The following SH3RF3 variants were observed in gnomAD, a reference collection of about 807,000 sequenced individuals.
SH3RF3 encodes the protein E3 ubiquitin-protein ligase SH3RF3.
Under a neutral mutation model 66.3 loss-of-function variants are expected in SH3RF3, and 29 were observed. The ratio of observed to expected loss-of-function variants is 0.44; its 90% CI spans 0.33 to 0.60. The LOEUF (loss-of-function observed/expected upper bound fraction) is 0.60. Among genes scored for constraint, SH3RF3 ranks in the 20% least tolerant of loss-of-function variants. SH3RF3 has a pLI of 0.04. For synonymous variants in SH3RF3, 583 were observed against 532.0 expected (o/e 1.10, Z -1.32); for missense variants, 1,194 against 1,190.9 (o/e 1.00, Z -0.04).
At chr2:109,255,456 G>T (rs1028074634) in intron 1 of SH3RF3, among the ~76,000 whole-genome samples, 1 of 152,222 alleles carries the variant, frequency 6.6e-6, no homozygotes, top group Non-Finnish European at 1.5e-5. Context: ...CACATTCAGG[G>T]TTGGACTGGG....
chr2:109,469,565 C>T (rs536688368), intron 8 of SH3RF3, among the ~76,000 whole-genome samples: 1 of 152,108 alleles, frequency 6.6e-6, no homozygotes, highest in African/African-American at 2.4e-5. Flanking sequence ...GTTAATGTGT[C>T]CTCTGTGTGT....
chr2:109,318,115 C>T (rs546995013), intron 1 of SH3RF3, among the ~76,000 whole-genome samples: 62 of 146,722 alleles, frequency 4.2e-4, no homozygotes, highest in African/African-American at 1.5e-3. Flanking sequence ...AAAAAAAGCC[C>T]CCTTTAAGCA....
intron 1 of SH3RF3, among the ~76,000 whole-genome samples, chr2:109,152,260 A>T (rs139754386): frequency 2.0e-3 from 307 of 152,342 alleles, no homozygotes; most frequent in Non-Finnish European, 3.1e-3. Context: ...ACCTATAATC[A>T]CGGGAGGTGG....
chr2:109,182,849 G>C (rs540629068), intron 1 of SH3RF3, among the ~76,000 whole-genome samples: 3 of 152,252 alleles, frequency 2.0e-5, no homozygotes, highest in African/African-American at 7.2e-5. Flanking sequence ...CTAATATATA[G>C]TTTATTTCCA....
intron 1 of SH3RF3, among the ~76,000 whole-genome samples, chr2:109,171,463 C>T (rs901910760): frequency 1.3e-5 from 2 of 152,254 alleles, no homozygotes; most frequent in African/African-American, 2.4e-5. Flanking sequence ...CCCTCCTGCT[C>T]CACGCTTGCC....
chr2:109,491,035 AT>A, intron 9 of SH3RF3, 99 bp downstream of exon 9: 1 of 1,203,950 alleles, frequency 8.3e-7, no homozygotes, highest in Non-Finnish European at 1.1e-6. Flanking sequence ...CCTTGCTGGG[AT>A]TAGGTTTACC....
At chr2:109,271,810 AT>A (rs1680632493) in intron 1 of SH3RF3, among the ~76,000 whole-genome samples, 1 of 152,244 alleles carries the variant, frequency 6.6e-6, no homozygotes, top group Admixed American at 6.5e-5. Context: ...TATCTTTAAA[AT>A]GCTGTACAAA....
At chr2:109,211,264 G>T (rs1472528958) in intron 1 of SH3RF3, among the ~76,000 whole-genome samples, 7 of 152,206 alleles carry the variant, frequency 4.6e-5, no homozygotes, top group Non-Finnish European at 5.9e-5. Context: ...GGTGGTGAGG[G>T]GATGTCCTGC....
rs1421944747 is a variant in SH3RF3 at position 109,502,384 on chromosome 2, G to A, written c.*713G>A. ...ATATATTTCTAATAGGTCAGACATT[G>A]CCTATTTTTCATACATCTGGTGCTG... On this transcript the variant is annotated 3_prime_UTR_variant, in exon 10 of 10. Coordinates refer to ENST00000309415, the MANE Select transcript of SH3RF3 (RefSeq NM_001099289.3). 1.3e-5 allele frequency: 2 copies of A among 152,176 alleles called. No homozygotes were observed. The highest frequency in any genetic ancestry group is 4.8e-5 in the African/African-American group (2 of 41,442). The allele number at this position is 152,176 out of a possible 1,614,324, so 9.4% of individuals were successfully genotyped here.
intron 8 of SH3RF3, among the ~76,000 whole-genome samples, chr2:109,467,222 CTGGAAAT>C (rs1678376788): frequency 6.6e-6 from 1 of 152,220 alleles, no homozygotes; most frequent in Non-Finnish European, 1.5e-5. Flanking sequence ...CAGCCTCAGA[CTGGAAAT>C]GGCCCAGATG....
At chr2:109,219,080 C>T (rs1679167452) in intron 1 of SH3RF3, among the ~76,000 whole-genome samples, 1 of 152,106 alleles carries the variant, frequency 6.6e-6, no homozygotes. Flanking sequence ...TGGATGGTTC[C>T]CAACTTTCCA....
chr2:109,420,708 A>G (rs1332005263), intron 5 of SH3RF3, among the ~76,000 whole-genome samples: 2 of 152,054 alleles, frequency 1.3e-5, no homozygotes, highest in Admixed American at 6.5e-5. Flanking sequence ...GCCTCCCTAA[A>G]TGCTGGGATT....
chr2:109,202,390 C>A (rs563818119), intron 1 of SH3RF3, among the ~76,000 whole-genome samples: 1 of 152,312 alleles, frequency 6.6e-6, no homozygotes, highest in African/African-American at 2.4e-5. Context: ...TGTGAAGGGA[C>A]ACCTAATTGC....
chr2:109,288,645 G>T (rs965989494), intron 1 of SH3RF3, among the ~76,000 whole-genome samples: 1 of 152,222 alleles, frequency 6.6e-6, no homozygotes, highest in Non-Finnish European at 1.5e-5. Context: ...CACCCAAGGA[G>T]ACTGACTTCT....
intron 1 of SH3RF3, among the ~76,000 whole-genome samples, chr2:109,164,080 G>A (rs192237764): frequency 2.6e-5 from 4 of 152,288 alleles, no homozygotes; most frequent in African/African-American, 9.6e-5. Flanking sequence ...CCCACTGGCT[G>A]TGGGGGATGG....
intron 1 of SH3RF3, among the ~76,000 whole-genome samples, chr2:109,272,982 GA>G (rs1490562385): frequency 1.3e-5 from 2 of 152,200 alleles, no homozygotes; most frequent in Admixed American, 1.3e-4. Flanking sequence ...GCTACTGGAA[GA>G]AATTAAAACA....
chr2:109,366,292 T>C (rs1442098379), intron 2 of SH3RF3, among the ~76,000 whole-genome samples: 1 of 152,194 alleles, frequency 6.6e-6, no homozygotes, highest in Non-Finnish European at 1.5e-5. Context: ...AAAATAACTA[T>C]CAAGTCCACT....
At chr2:109,176,758 A>G (rs1192976581) in intron 1 of SH3RF3, among the ~76,000 whole-genome samples, 1 of 152,204 alleles carries the variant, frequency 6.6e-6, no homozygotes, top group Non-Finnish European at 1.5e-5. Context: ...GCATAGGGGC[A>G]TGGAAACAGG....
rs567324557 is a variant in SH3RF3, at chr2:109,283,923, A to G, written c.574-63751A>G. On this transcript the variant is annotated intron_variant, in intron 1 of 9. Coordinates refer to ENST00000309415, the MANE Select transcript of SH3RF3 (RefSeq NM_001099289.3). The stretch of plus-strand genomic sequence containing the variant: ...GCTTATCAAATGACCCCCAGATTCC[A>G]TCTCACTTGGGGAGGCCGTGTTTCC... 1.5e-4 allele frequency among the ~76,000 whole-genome samples: 23 copies of G among 152,206 alleles called. No homozygotes were observed. The South Asian group carries it at 4.4e-3, about 29-fold the overall frequency.
Sources: gnomAD v4.1 joint callset for allele counts (sites outside exome capture counted in the v4.1 genomes callset) on GRCh38, gnomAD v4.1.1 for gene constraint, MANE v1.5 for transcripts, NCBI Gene and HGNC (gene_info 2026-07-23, HGNC 2026-07-21) for gene names.